The following NRXN1 variants were observed in gnomAD, a reference collection of about 807,000 sequenced individuals.
NRXN1 encodes the protein neurexin-1.
A neutral mutation model predicts 150.9 loss-of-function variants in NRXN1; 39 were observed. The observed-to-expected ratio is 0.26, with a 90% CI of 0.20 to 0.34. The LOEUF is 0.34. Ranked by LOEUF, NRXN1 falls within the 10% of genes least tolerant of loss-of-function variation. The probability of loss-of-function intolerance (pLI) is 1.00; values close to 1 mark genes in which losing one functional copy is unlikely to be tolerated. For missense variants in NRXN1, 1,815 were observed against 1,949.9 expected (o/e 0.93, Z 1.30); for synonymous variants, 924 against 757.0 (o/e 1.22, Z -3.62).
chr2:51,002,349 G>A (rs893158286), intron 2 of NRXN1, among the ~76,000 whole-genome samples: 7 of 151,934 alleles, frequency 4.6e-5, no homozygotes, highest in African/African-American at 1.7e-4. Flanking sequence ...ATAAAATGTT[G>A]TGTTTCTAGG....
At chr2:50,779,132 G>A (rs1047654008) in intron 5 of NRXN1, among the ~76,000 whole-genome samples, 1 of 152,060 alleles carries the variant, frequency 6.6e-6, no homozygotes, top group Non-Finnish European at 1.5e-5. Context: ...CCATTACCCT[G>A]TCATCTATAT....
At chr2:50,720,823 T>C (rs959111081) in intron 5 of NRXN1, among the ~76,000 whole-genome samples, 2 of 152,208 alleles carry the variant, frequency 1.3e-5, no homozygotes, top group Admixed American at 1.3e-4. Flanking sequence ...TTAACTCTCC[T>C]TCCTTGCTGC....
intron 5 of NRXN1, among the ~76,000 whole-genome samples, chr2:50,830,685 C>T (rs1333135278): frequency 6.7e-6 from 1 of 150,086 alleles, no homozygotes; most frequent in Non-Finnish European, 1.5e-5. Flanking sequence ...GCCTAGTTTT[C>T]ACTGCTTGGT....
chr2:50,199,223 A>G (rs979532225), intron 18 of NRXN1: 1 of 152,194 alleles, frequency 6.6e-6, no homozygotes, highest in African/African-American at 2.4e-5. Context: ...GGAAAGATTG[A>G]ATCCAAAGGT....
At chr2:50,088,087 T>A (rs1034448447) in intron 19 of NRXN1, among the ~76,000 whole-genome samples, 3 of 152,084 alleles carry the variant, frequency 2.0e-5, no homozygotes, top group African/African-American at 7.2e-5. Context: ...GTTCTTCTAA[T>A]AAAAATAACC....
chr2:50,116,265 T>C (rs1212377876), intron 18 of NRXN1, among the ~76,000 whole-genome samples: 1 of 152,044 alleles, frequency 6.6e-6, no homozygotes, highest in African/African-American at 2.4e-5. Context: ...TAAATGACTT[T>C]GGGAAGCTGG....
chr2:50,706,295 A>T (rs1694428834), intron 5 of NRXN1, among the ~76,000 whole-genome samples: 1 of 152,222 alleles, frequency 6.6e-6, no homozygotes, highest in African/African-American at 2.4e-5. Context: ...CTGCTGGGTT[A>T]TATAGTCATT....
chr2:50,425,282 C>G (rs2084388197), intron 17 of NRXN1, among the ~76,000 whole-genome samples: 1 of 152,112 alleles, frequency 6.6e-6, no homozygotes, highest in Non-Finnish European at 1.5e-5. Context: ...TGTTTTGTTG[C>G]CTTTCAATCA....
chr2:50,219,738 A>C (rs1412347909), intron 18 of NRXN1, among the ~76,000 whole-genome samples: 2 of 149,690 alleles, frequency 1.3e-5, no homozygotes, highest in East Asian at 4.0e-4. Context: ...AATTCAAAAA[A>C]TTAGTTGGGC....
intron 21 of NRXN1, among the ~76,000 whole-genome samples, chr2:50,042,234 C>A (rs1200103165): frequency 1.3e-5 from 2 of 152,114 alleles, no homozygotes; most frequent in Non-Finnish European, 2.9e-5. Context: ...GCTGTGTCCC[C>A]ACCCAAATCT....
chr2:50,572,809 A>G (rs1341679911), intron 8 of NRXN1, among the ~76,000 whole-genome samples: 1 of 152,060 alleles, frequency 6.6e-6, no homozygotes, highest in Non-Finnish European at 1.5e-5. Flanking sequence ...AAGATTATTT[A>G]TTTTCTTAGT....
rs544281818 is a variant in NRXN1, at chr2:50,318,965, T to C, written c.3365-81995A>G. ...TTTTAAAGGTAAATTATTATCACAA[T>C]AAAGAAATATTTAATATTGTTAATT... is the stretch of plus-strand genomic sequence containing the variant. On this transcript the variant is annotated intron_variant, in intron 17 of 22. Coordinates refer to ENST00000401669, the MANE Select transcript of NRXN1 (RefSeq NM_001330078.2). Among the ~76,000 whole-genome samples, 44 of 152,208 alleles carry C rather than the reference T, an allele frequency of 2.9e-4. No homozygotes were observed. In the South Asian group the frequency reaches 5.2e-3, roughly 18 times the overall value.
intron 8 of NRXN1, among the ~76,000 whole-genome samples, chr2:50,557,430 T>C (rs1668419899): frequency 6.6e-6 from 1 of 152,196 alleles, no homozygotes; most frequent in Non-Finnish European, 1.5e-5. Context: ...GACTCATATT[T>C]TAATCTATCT....
Position 51,030,199 on chromosome 2 carries a change from T to C in NRXN1, c.-921-1005A>G, listed in dbSNP as rs1671266143. Reference sequence around the variant, plus strand: ...GTATAATCTGTTCATGTCAAGGAAGTGCATTATTTTTCTCACTATTTCTTA... The same window carrying C: ...GTATAATCTGTTCATGTCAAGGAAGCGCATTATTTTTCTCACTATTTCTTA... On this transcript the variant is annotated intron_variant, in intron 1 of 22. Coordinates refer to ENST00000401669, the MANE Select transcript of NRXN1 (RefSeq NM_001330078.2). 3.3e-5 allele frequency among the ~76,000 whole-genome samples: 5 copies of C among 152,028 alleles called. No homozygotes were observed. In the South Asian group the frequency reaches 1.0e-3, roughly 31 times the overall value.
At chr2:50,685,221 T>C (rs946610089) in intron 5 of NRXN1, among the ~76,000 whole-genome samples, 10 of 152,214 alleles carry the variant, frequency 6.6e-5, no homozygotes, top group African/African-American at 2.4e-4. Context: ...TTGATCCGCC[T>C]GTTTTTCTTT....
intron 21 of NRXN1, chr2:49,973,670 C>T: frequency 2.6e-6 from 1 of 384,756 alleles, no homozygotes; most frequent in Non-Finnish European, 4.7e-6. Flanking sequence ...TTGCCACAAG[C>T]ATGCTGATAA....
At chr2:50,846,648 T>C (rs1279345345) in intron 5 of NRXN1, among the ~76,000 whole-genome samples, 1 of 152,174 alleles carries the variant, frequency 6.6e-6, no homozygotes, top group Admixed American at 6.5e-5. Flanking sequence ...GGAGCAGTTG[T>C]ACCATGGAAT....
intron 17 of NRXN1, among the ~76,000 whole-genome samples, chr2:50,352,627 A>G (rs1013250083): frequency 6.6e-6 from 1 of 151,892 alleles, no homozygotes; most frequent in Non-Finnish European, 1.5e-5. Flanking sequence ...GAGCGTCAGT[A>G]AAAAGGGACA....
Position 50,623,512 on chromosome 2 carries a change from A to C in NRXN1, c.936T>G (p.Phe312Leu). Residue 312 changes from phenylalanine (F) to leucine (L), a missense_variant, in exon 6 of 23, where the codon TTT becomes TTG. By Grantham distance (22) the Phe-to-Leu change is conservative. Transcript: ENST00000401669. Reference protein sequence around the residue: ...QSSSDEITLSFKTLQRNGLML... With the variant: ...QSSSDEITLSLKTLQRNGLML... ...TCAGTCCATTCCTCTGAAGGGTTTT[A>C]AATGACAGAGTTATTTCATCACTGC... 6.2e-7 allele frequency: 1 copy of C among 1,613,406 alleles called. No homozygotes were observed. Among genetic ancestry groups the C allele is most frequent in the South Asian group, 1.1e-5 (1 of 91,078 alleles).
Sources: allele counts gnomAD v4.1 joint callset (sites outside exome capture counted in the v4.1 genomes callset), GRCh38; gene constraint gnomAD v4.1.1; transcripts MANE v1.5; gene names NCBI Gene and HGNC (gene_info 2026-07-23, HGNC 2026-07-21).